Variants in AMOT observed in about 807,000 individuals in gnomAD.
The protein encoded by AMOT is angiomotin.
In AMOT, 11 loss-of-function variants were observed where a neutral mutation model predicts 67.0. The ratio of observed to expected loss-of-function variants is 0.16; its 90% CI spans 0.10 to 0.27. The LOEUF (loss-of-function observed/expected upper bound fraction) is 0.27, where lower values mean the gene tolerates loss of function less well. Among genes scored for constraint, AMOT ranks in the 10% least tolerant of loss-of-function variants. AMOT has a pLI of 1.00. For missense variants in AMOT, 753 were observed against 852.0 expected (o/e 0.88, Z 1.45); for synonymous variants, 326 against 321.4 (o/e 1.01, Z -0.15).
intron 2 of AMOT, among the ~76,000 whole-genome samples, chrX:112,830,430 T>C (rs778073946): frequency 8.9e-6 from 1 of 112,826 alleles, no homozygotes; most frequent in South Asian, 3.6e-4. Flanking sequence ...AAAAACATCT[T>C]TGTGATTTAA....
intron 7 of AMOT, among the ~76,000 whole-genome samples, chrX:112,808,785 C>T (rs1394615066): frequency 8.9e-6 from 1 of 111,895 alleles, no homozygotes; most frequent in Non-Finnish European, 1.9e-5. Context: ...CTGAGAGCAA[C>T]TGTGATACCA....
chrX:112,824,481 AC>A (rs925997695), intron 3 of AMOT, among the ~76,000 whole-genome samples: 1 of 111,415 alleles, frequency 9.0e-6, no homozygotes, highest in African/African-American at 3.3e-5. Context: ...GGAAACACGA[AC>A]CCCTTTCTTT....
chrX:112,804,871 A>G, intron 8 of AMOT, 76 bp downstream of exon 8: 1 of 1,174,296 alleles, frequency 8.5e-7, no homozygotes, highest in Non-Finnish European at 1.1e-6. Context: ...CCAATTCACC[A>G]CAATGTGGAG....
At chrX:112,793,865 C>T (rs1310400741) in intron 8 of AMOT, among the ~76,000 whole-genome samples, 1 of 112,245 alleles carries the variant, frequency 8.9e-6, no homozygotes, top group South Asian at 3.7e-4. Context: ...TTTATAACAA[C>T]ACTGACTAGG....
At chrX:112,811,224 A>G in intron 6 of AMOT, 25 bp downstream of exon 6, 1 of 1,207,071 alleles carries the variant, frequency 8.3e-7, no homozygotes, top group East Asian at 3.0e-5. Flanking sequence ...CAGAAGTACA[A>G]AGACAAGTCT....
Position 112,822,350 on chromosome X carries a change from T to C in AMOT, c.777A>G (p.Pro259=), listed in dbSNP as rs1397679594. 3 of 1,158,928 alleles carry C rather than the reference T, an allele frequency of 2.6e-6. No individual in the cohort carries two copies. The highest frequency in any genetic ancestry group is 5.3e-5 in the Admixed American group (2 of 38,059). ...PQSVVCKPQE[P]GHFYSEHRLN... ...GGCGATGCTCACTATAGAAGTGCCC[T>C]GGCTCTTGGGGCTTGCACACTACAG... The change falls in exon 4 of 14, where the codon CCA becomes CCG. Residue 259 remains proline (P), a synonymous_variant. Coordinates refer to ENST00000371959, the MANE Select transcript of AMOT (RefSeq NM_001113490.2).
chrX:112,793,425 A>T (rs754334763), intron 8 of AMOT, among the ~76,000 whole-genome samples: 2 of 110,931 alleles, frequency 1.8e-5, no homozygotes, highest in South Asian at 7.8e-4. Context: ...AACCAACCTG[A>T]CTCCCTCATT....
intron 1 of AMOT, among the ~76,000 whole-genome samples, chrX:112,834,409 G>C (rs987005332): frequency 1.8e-5 from 2 of 111,836 alleles, no homozygotes; most frequent in Non-Finnish European, 1.9e-5. Context: ...GGGAAAAAAA[G>C]ATCAGTATCA....
Position 112,840,576 on chromosome X carries a change from C to T in AMOT, c.-413G>A, listed in dbSNP as rs1326388106. ...CCCGGCTGCTCCCCTCCTCGCTGCT[C>T]CGTCCGGGCTCTCCTTGGTGGCAGC... On this transcript the variant is annotated 5_prime_UTR_variant, in exon 1 of 14. Coordinates refer to ENST00000371959, the MANE Select transcript of AMOT (RefSeq NM_001113490.2). 8.8e-6 allele frequency: 1 copy of T among 113,224 alleles called. No homozygotes were observed. Among genetic ancestry groups the T allele is most frequent in the African/African-American group, 3.2e-5 (1 of 31,202 alleles). The allele number at this position is 113,224 out of a possible 1,213,427, so 9.3% of individuals were successfully genotyped here.
intron 5 of AMOT, among the ~76,000 whole-genome samples, chrX:112,814,227 G>A (rs1934465445): frequency 1.9e-5 from 2 of 107,753 alleles, no homozygotes. Flanking sequence ...AGTGGAGATC[G>A]TGCCATTGCA....
chrX:112,833,270 C>G (rs1451524886), intron 1 of AMOT, among the ~76,000 whole-genome samples: 1 of 110,829 alleles, frequency 9.0e-6, no homozygotes, highest in African/African-American at 3.3e-5. Flanking sequence ...CAAGTACTCA[C>G]CCCCCTAAAA....
At chrX:112,819,389 G>C (rs1695155780) in intron 4 of AMOT, 1 of 752,756 alleles carries the variant, frequency 1.3e-6, no homozygotes, top group Non-Finnish European at 1.6e-6. Context: ...CCTGGAGCAG[G>C]CTGCAAATTC....
In AMOT at chrX:112,792,123, G is replaced by A. The variant is rs1933630442; in HGVS notation, c.1777-142C>T. 12 of 671,258 alleles carry A rather than the reference G, an allele frequency of 1.8e-5. No individual in the cohort carries two copies. The South Asian group carries it at 3.4e-4, about 19-fold the overall frequency. 55.3% of individuals were successfully genotyped at this position (671,258 alleles called of 1,213,427 possible). A position where few individuals can be genotyped will look rare whatever the true frequency, so the allele number is the denominator to read the frequency against. On this transcript the variant is annotated intron_variant, in intron 8 of 13. Transcript: ENST00000371959. ...AGCTGCAAAAAGGAATGGATGGCGA[G>A]AAGGTCCTTCACAATGAGTAGCAGG...
chrX:112,790,908 G>T, intron 9 of AMOT, 126 bp from the exon 10 acceptor site: 1 of 626,891 alleles, frequency 1.6e-6, no homozygotes, highest in Non-Finnish European at 2.2e-6. Flanking sequence ...GAAAGAAGCA[G>T]GGGGAATTCA....
At chrX:112,792,276 A>G (rs1933638477) in intron 8 of AMOT, among the ~76,000 whole-genome samples, 1 of 112,339 alleles carries the variant, frequency 8.9e-6, no homozygotes, top group South Asian at 3.7e-4. Context: ...TAGATGGCCA[A>G]GTTTTTCAGA....
At chrX:112,801,456 G>C (rs1934014677) in intron 8 of AMOT, among the ~76,000 whole-genome samples, 1 of 111,336 alleles carries the variant, frequency 9.0e-6, no homozygotes. Context: ...CAAGAAAACA[G>C]GTCTGATTTA....
In AMOT at chrX:112,822,806, C is replaced by T. The variant is rs143078385; in HGVS notation, c.321G>A (p.Pro107=). 6.8e-5 allele frequency: 79 copies of T among 1,164,888 alleles called. No homozygotes were observed. The African/African-American group carries it at 1.1e-3, about 16-fold the overall frequency. The change falls in exon 4 of 14, where the codon CCG becomes CCA. Residue 107 remains proline, a synonymous_variant. Transcript: ENST00000371959. ...ACTGGACCTTGGCTTCTTCATAGGT[C>T]GGGAGTTCTTCATTATTTTGCATTC... is the stretch of plus-strand genomic sequence containing the variant. ...SPRMQNNEEL[P]TYEEAKVQSQ... is the part of the protein sequence containing the mutation.
chrX:112,776,647 A>G lies in AMOT; in HGVS notation c.*1920T>C, dbSNP rs1286123530. 9.0e-6 allele frequency: 1 copy of G among 111,650 alleles called. No homozygotes were observed. The highest frequency in any genetic ancestry group is 3.3e-5 in the African/African-American group (1 of 30,605). The allele number at this position is 111,650 out of a possible 1,213,427, so 9.2% of individuals were successfully genotyped here. ...TCCTATACTCACAGAGGAACCCCAA[A>G]AGATTATCTAAGATACCCAATCTCC... On this transcript the variant is annotated 3_prime_UTR_variant, in exon 14 of 14. Transcript: ENST00000371959.
intron 5 of AMOT, 69 bp from the exon 6 acceptor site, chrX:112,811,462 C>T: frequency 8.9e-7 from 1 of 1,126,123 alleles, no homozygotes; most frequent in Admixed American, 2.3e-5. Flanking sequence ...TGAAAACAAA[C>T]AGGCAAATCC....
Sources: allele counts gnomAD v4.1 joint callset (sites outside exome capture counted in the v4.1 genomes callset), GRCh38; gene constraint gnomAD v4.1.1; transcripts MANE v1.5; gene names NCBI Gene and HGNC (gene_info 2026-07-23, HGNC 2026-07-21).